The following MIPOL1 variants were observed in gnomAD, a reference collection of about 807,000 sequenced individuals.
The protein encoded by MIPOL1 is mirror-image polydactyly gene 1 protein.
In MIPOL1, 57 loss-of-function variants were observed where a neutral mutation model predicts 60.9. The observed-to-expected ratio is 0.94, with a 90% CI of 0.76 to 1.17. MIPOL1 has a LOEUF of 1.17. Ranked by LOEUF, MIPOL1 falls within the 50% of genes most tolerant of loss-of-function variation. MIPOL1 has a pLI of 0.00. For missense variants in MIPOL1, 551 were observed against 511.6 expected (o/e 1.08, Z -0.74); for synonymous variants, 179 against 168.8 (o/e 1.06, Z -0.47).
rs1966680025 is a variant in MIPOL1, at chr14:37,210,014, G to T, written c.-199+11910G>T. Among the ~76,000 whole-genome samples, 4 of 151,982 alleles carry T rather than the reference G, an allele frequency of 2.6e-5. No homozygotes were observed. The South Asian group carries it at 8.3e-4, about 32-fold the overall frequency. On this transcript the variant is annotated intron_variant, in intron 1 of 12. Transcript: ENST00000684589. ...GTGAGCCACTGCACCCTGCCAGATG[G>T]ATATGCTCTATTATTTTGTAGCTTC...
chr14:37,389,782 T>C (rs1394543133), intron 10 of MIPOL1, among the ~76,000 whole-genome samples: 1 of 151,534 alleles, frequency 6.6e-6, no homozygotes, highest in Non-Finnish European at 1.5e-5. Flanking sequence ...TTTTGGTTGA[T>C]ACTGAGGGGA....
intron 3 of MIPOL1, among the ~76,000 whole-genome samples, chr14:37,258,096 A>G (rs1160804257): frequency 6.6e-6 from 1 of 152,154 alleles, no homozygotes; most frequent in Non-Finnish European, 1.5e-5. Context: ...ACCAAACACA[A>G]TCATCCATCC....
intron 10 of MIPOL1, among the ~76,000 whole-genome samples, chr14:37,413,246 G>A (rs2093708166): frequency 6.6e-6 from 1 of 152,006 alleles, no homozygotes; most frequent in Admixed American, 6.6e-5. Context: ...TATTTTAATA[G>A]TATTAAATAA....
chr14:37,481,291 A>T (rs2094860103), intron 11 of MIPOL1, among the ~76,000 whole-genome samples: 1 of 152,176 alleles, frequency 6.6e-6, no homozygotes, highest in African/African-American at 2.4e-5. Context: ...CCCTAAAAAA[A>T]TTAAACCTTG....
chr14:37,246,033 A>T (rs940510240), intron 1 of MIPOL1, among the ~76,000 whole-genome samples: 3 of 152,118 alleles, frequency 2.0e-5, no homozygotes, highest in African/African-American at 7.2e-5. Context: ...GACAGTTATG[A>T]TAGTACTCAG....
intron 11 of MIPOL1, among the ~76,000 whole-genome samples, chr14:37,435,637 A>G (rs2153562321): frequency 6.6e-6 from 1 of 152,252 alleles, no homozygotes; most frequent in South Asian, 2.1e-4. Context: ...ACATTGTGAT[A>G]CATTAGAAAC....
intron 1 of MIPOL1, among the ~76,000 whole-genome samples, chr14:37,239,853 T>G (rs1972075769): frequency 6.6e-6 from 1 of 152,214 alleles, no homozygotes; most frequent in Non-Finnish European, 1.5e-5. Flanking sequence ...TAAGTCTAAT[T>G]TATTTTACTA....
At chr14:37,243,241 T>C (rs970973443) in intron 1 of MIPOL1, among the ~76,000 whole-genome samples, 1 of 152,198 alleles carries the variant, frequency 6.6e-6, no homozygotes, top group African/African-American at 2.4e-5. Context: ...CCTGAACCTC[T>C]TCTTGCTTTT....
intron 1 of MIPOL1, among the ~76,000 whole-genome samples, chr14:37,218,293 G>A (rs868498162): frequency 1.9e-4 from 29 of 151,830 alleles, no homozygotes; most frequent in East Asian, 1.9e-4. Context: ...CAATTCTCAC[G>A]TCTCAGCCTC....
chr14:37,487,280 AT>A (rs1358949931), intron 11 of MIPOL1, among the ~76,000 whole-genome samples: 4 of 152,088 alleles, frequency 2.6e-5, no homozygotes, highest in African/African-American at 4.8e-5. Flanking sequence ...TATCAAGGAT[AT>A]TTGCCTGAAA....
chr14:37,417,582 T>TA (rs1261395992), intron 10 of MIPOL1, among the ~76,000 whole-genome samples: 2 of 152,204 alleles, frequency 1.3e-5, no homozygotes, highest in Admixed American at 1.3e-4. Context: ...TGGGTATCGT[T>TA]ACACAAGTTA....
At chr14:37,488,147 T>A (rs1333132601) in intron 11 of MIPOL1, among the ~76,000 whole-genome samples, 1 of 150,704 alleles carries the variant, frequency 6.6e-6, no homozygotes, top group Non-Finnish European at 1.5e-5. Flanking sequence ...GCAGTTTTCT[T>A]AATCCTGAGT....
At chr14:37,397,836 C>A (rs1389233412) in intron 10 of MIPOL1, among the ~76,000 whole-genome samples, 1 of 152,148 alleles carries the variant, frequency 6.6e-6, no homozygotes, top group African/African-American at 2.4e-5. Context: ...CCTCTAACAA[C>A]CCCAAGTCTG....
intron 9 of MIPOL1, among the ~76,000 whole-genome samples, chr14:37,315,719 T>C (rs1420262284): frequency 3.3e-5 from 5 of 152,112 alleles, no homozygotes; most frequent in African/African-American, 4.8e-5. Flanking sequence ...ACATTCTCTT[T>C]TGGATATGGT....
chr14:37,210,984 G>A (rs1013578779), intron 1 of MIPOL1, among the ~76,000 whole-genome samples: 2 of 152,184 alleles, frequency 1.3e-5, no homozygotes, highest in Non-Finnish European at 2.9e-5. Context: ...TTTCTCCTAT[G>A]ATTATCTTGG....
chr14:37,507,554 T>A (rs560985273), intron 12 of MIPOL1: 41 of 152,252 alleles, frequency 2.7e-4, no homozygotes, highest in African/African-American at 9.9e-4. Context: ...AATCAAACTA[T>A]GAGAACACTT....
At chr14:37,538,129 A>G (rs565493301) in intron 12 of MIPOL1, among the ~76,000 whole-genome samples, 41 of 152,340 alleles carry the variant, frequency 2.7e-4, no homozygotes, top group African/African-American at 9.4e-4. Flanking sequence ...CAGCCAAACC[A>G]GTCCTAGTTG....
rs2095560483 is a variant in MIPOL1 at position 37,550,980 on chromosome 14, T to A, written c.*4009T>A. 6.6e-6 allele frequency: 1 copy of A among 152,120 alleles called. No individual in the cohort carries two copies. Among genetic ancestry groups the A allele is most frequent in the Non-Finnish European group, 1.5e-5 (1 of 67,978 alleles). The allele number at this position is 152,120 out of a possible 1,614,324, so 9.4% of individuals were successfully genotyped here. The stretch of plus-strand genomic sequence containing the variant: ...GTTAAACTTCTAAAAGTTGAATTAT[T>A]TAATGTAGGACTTCATAAATAGTAT... On this transcript the variant is annotated 3_prime_UTR_variant, in exon 13 of 13. Coordinates refer to ENST00000684589, the MANE Select transcript of MIPOL1 (RefSeq NM_001388067.1).
At chr14:37,372,835 A>G (rs1289590938) in intron 10 of MIPOL1, among the ~76,000 whole-genome samples, 1 of 152,160 alleles carries the variant, frequency 6.6e-6, no homozygotes, top group East Asian at 1.9e-4. Context: ...AACAAGTAAA[A>G]CACAGTGGTA....
Sources: allele counts gnomAD v4.1 joint callset (sites outside exome capture counted in the v4.1 genomes callset), GRCh38; gene constraint gnomAD v4.1.1; transcripts MANE v1.5; gene names NCBI Gene and HGNC (gene_info 2026-07-23, HGNC 2026-07-21).